CNTNAP4: variants seen among roughly 807,000 people sequenced by gnomAD.
CNTNAP4 encodes the protein contactin-associated protein-like 4.
CNTNAP4 carries 98 observed loss-of-function variants against 148.4 expected under a neutral mutation model. The ratio of observed to expected loss-of-function variants is 0.66; its 90% CI spans 0.56 to 0.78. The LOEUF (loss-of-function observed/expected upper bound fraction) is 0.78. CNTNAP4 is among the 30% of genes least tolerant of loss of function. The pLI is 0.00. For missense variants in CNTNAP4, 1,935 were observed against 1,565.6 expected (o/e 1.24, Z -3.98); for synonymous variants, 730 against 565.1 (o/e 1.29, Z -4.14).
At chr16:76,409,491 T>C (rs972008918) in intron 3 of CNTNAP4, among the ~76,000 whole-genome samples, 12 of 151,972 alleles carry the variant, frequency 7.9e-5, no homozygotes, top group African/African-American at 2.7e-4. Context: ...ATAGAAACAA[T>C]ATGGATATTT....
intron 4 of CNTNAP4, among the ~76,000 whole-genome samples, chr16:76,433,278 G>T (rs1204594304): frequency 3.3e-5 from 5 of 152,122 alleles, no homozygotes; most frequent in African/African-American, 1.2e-4. Context: ...CAGGAATAAA[G>T]GTTAGCCTAC....
At chr16:76,288,062 G>A (rs543867728) in intron 1 of CNTNAP4, among the ~76,000 whole-genome samples, 8 of 151,940 alleles carry the variant, frequency 5.3e-5, no homozygotes, top group Admixed American at 1.3e-4. Context: ...TAACTCCCAC[G>A]TGTCAAGGAC....
At chr16:76,334,002 T>C (rs908634839) in intron 2 of CNTNAP4, among the ~76,000 whole-genome samples, 3 of 151,850 alleles carry the variant, frequency 2.0e-5, no homozygotes, top group African/African-American at 4.8e-5. Flanking sequence ...ATTTCTCTGA[T>C]GGCCAATGAT....
intron 12 of CNTNAP4, among the ~76,000 whole-genome samples, chr16:76,484,379 G>A (rs1035375158): frequency 2.0e-5 from 3 of 150,492 alleles, no homozygotes; most frequent in Non-Finnish European, 4.4e-5. Context: ...AGGACATTCA[G>A]AAAATTTAAA....
In CNTNAP4 at chr16:76,452,695, T is replaced by C. The variant is rs2080555709; in HGVS notation, c.1259T>C (p.Leu420Pro). 6.2e-7 allele frequency: 1 copy of C among 1,613,220 alleles called. No homozygotes were observed. Among genetic ancestry groups the C allele is most frequent in the Non-Finnish European group, 8.5e-7 (1 of 1,179,522 alleles). ...SELQLISGGI[L>P]LFLSDGKLKS... ...CTTCAGCTGATTTCAGGGGGTATCC[T>C]CCTCTTTCTGAGTGATGGAAAACTT... The change falls in exon 8 of 24, where the codon CTC (leucine) becomes CCC (proline). Residue 420 changes from leucine (L) to proline (P), a missense_variant. Physicochemically the swap from Leu to Pro is moderately conservative, Grantham distance 98. Transcript: ENST00000611870.
At chr16:76,455,337 T>G (rs746245622) in intron 8 of CNTNAP4, among the ~76,000 whole-genome samples, 4 of 152,200 alleles carry the variant, frequency 2.6e-5, no homozygotes, top group Non-Finnish European at 5.9e-5. Flanking sequence ...ATGCCTCTTG[T>G]CCCCATGGGC....
chr16:76,473,084 A>G (rs2081431880), intron 10 of CNTNAP4, among the ~76,000 whole-genome samples: 1 of 152,208 alleles, frequency 6.6e-6, no homozygotes, highest in African/African-American at 2.4e-5. Context: ...ATATTTTTAA[A>G]TCTCCCTGTT....
intron 21 of CNTNAP4, among the ~76,000 whole-genome samples, chr16:76,542,636 C>A (rs577468417): frequency 6.6e-6 from 1 of 152,262 alleles, no homozygotes; most frequent in East Asian, 1.9e-4. Flanking sequence ...TGCAATGAGG[C>A]AATCTGTCTA....
At chr16:76,401,316 C>T (rs1418691646) in intron 3 of CNTNAP4, among the ~76,000 whole-genome samples, 1 of 152,016 alleles carries the variant, frequency 6.6e-6, no homozygotes, top group Non-Finnish European at 1.5e-5. Context: ...AATGGGATTG[C>T]GTTTCTGATT....
intron 1 of CNTNAP4, among the ~76,000 whole-genome samples, chr16:76,300,573 A>G (rs1399804474): frequency 1.3e-5 from 2 of 152,230 alleles, no homozygotes; most frequent in African/African-American, 4.8e-5. Flanking sequence ...AAAAACAAAG[A>G]TGTTGAATGG....
chr16:76,277,873 C>A, intron 1 of CNTNAP4, 126 bp downstream of exon 1: 1 of 682,768 alleles, frequency 1.5e-6, no homozygotes, highest in Admixed American at 2.2e-5. Flanking sequence ...AACCAAGCAT[C>A]ACTTAAAAAT....
chr16:76,366,852 A>G (rs1246455500), intron 3 of CNTNAP4, among the ~76,000 whole-genome samples: 1 of 152,218 alleles, frequency 6.6e-6, no homozygotes, highest in Non-Finnish European at 1.5e-5. Context: ...AAGGACATAG[A>G]AGAACACTTG....
intron 14 of CNTNAP4, among the ~76,000 whole-genome samples, chr16:76,497,751 G>C (rs1237350327): frequency 6.6e-6 from 1 of 152,082 alleles, no homozygotes; most frequent in African/African-American, 2.4e-5. Flanking sequence ...TAGATGATGG[G>C]TTGATGGGTG....
intron 10 of CNTNAP4, among the ~76,000 whole-genome samples, chr16:76,473,424 C>T (rs985624521): frequency 1.3e-5 from 2 of 152,018 alleles, no homozygotes; most frequent in Non-Finnish European, 2.9e-5. Flanking sequence ...AGGAAAAATA[C>T]ATAATATTGT....
chr16:76,517,050 G>A (rs2083280008), intron 15 of CNTNAP4, among the ~76,000 whole-genome samples: 1 of 152,164 alleles, frequency 6.6e-6, no homozygotes, highest in South Asian at 2.1e-4. Flanking sequence ...GTGAGAGCAA[G>A]AATCTGTCAA....
chr16:76,421,586 T>C (rs2079191765), intron 3 of CNTNAP4, among the ~76,000 whole-genome samples: 1 of 152,122 alleles, frequency 6.6e-6, no homozygotes, highest in Non-Finnish European at 1.5e-5. Flanking sequence ...AGATAACCTT[T>C]TGGGAGGCAC....
rs17698803 is a variant in CNTNAP4 at position 76,336,020 on chromosome 16, C to G, written c.197-19298C>G. On this transcript the variant is annotated intron_variant, in intron 2 of 23. Coordinates refer to ENST00000611870, the MANE Select transcript of CNTNAP4 (RefSeq NM_033401.5). ...ACCACAACTGCTCCTAGGACTAACTCCAGGGTTGATGGAAAGGTAGACAAA... is the reference window on the plus strand; with the variant it reads ...ACCACAACTGCTCCTAGGACTAACTGCAGGGTTGATGGAAAGGTAGACAAA... Among the ~76,000 whole-genome samples the G allele has an allele frequency of 0.013, 1,925 of 152,116 alleles. 138 individuals are homozygous for G. In the East Asian group the frequency reaches 0.18, roughly 15 times the overall value.
chr16:76,453,417 T>C (rs907333130), intron 8 of CNTNAP4, among the ~76,000 whole-genome samples: 3 of 152,176 alleles, frequency 2.0e-5, no homozygotes, highest in Admixed American at 1.3e-4. Flanking sequence ...GGATAATGAA[T>C]GTCTAATTTA....
chr16:76,525,911 A>C (rs1431274669), intron 17 of CNTNAP4, among the ~76,000 whole-genome samples: 1 of 149,822 alleles, frequency 6.7e-6, no homozygotes, highest in Non-Finnish European at 1.5e-5. Context: ...TACATATATA[A>C]AATATATAGT....
Sources: allele counts gnomAD v4.1 joint callset (sites outside exome capture counted in the v4.1 genomes callset), GRCh38; gene constraint gnomAD v4.1.1; transcripts MANE v1.5; gene names NCBI Gene and HGNC (gene_info 2026-07-23, HGNC 2026-07-21).